The following CNTNAP3B variants were observed in gnomAD, a reference collection of about 807,000 sequenced individuals.
CNTNAP3B encodes the protein contactin-associated protein-like 3B.
In CNTNAP3B, 25 loss-of-function variants were observed where a neutral mutation model predicts 108.9. That is an observed-to-expected ratio of 0.23 (90% confidence interval 0.17 to 0.32). The LOEUF (loss-of-function observed/expected upper bound fraction) is 0.32, where lower values mean the gene tolerates loss of function less well. CNTNAP3B is among the 10% of genes least tolerant of loss of function. The probability of loss-of-function intolerance (pLI) is 1.00; values close to 1 mark genes in which losing one functional copy is unlikely to be tolerated. For missense variants in CNTNAP3B, 252 were observed against 1,210.4 expected, an observed-to-expected ratio of 0.21 and a Z score of 11.75; for synonymous variants, 103 against 473.4, an observed-to-expected ratio of 0.22 and a Z score of 10.16.
intron 18 of CNTNAP3B, among the ~76,000 whole-genome samples, chr9:41,918,155 T>A (rs1304524492): frequency 1.3e-5 from 2 of 150,652 alleles, no homozygotes; most frequent in African/African-American, 4.9e-5. Flanking sequence ...ATTTGAATGT[T>A]ACCTCCTCTT....
At chr9:42,119,890 A>T (rs1828419547) in intron 1 of CNTNAP3B, among the ~76,000 whole-genome samples, 1 of 140,490 alleles carries the variant, frequency 7.1e-6, no homozygotes. Flanking sequence ...AAACCTAGGC[A>T]ATACCATTCA....
intron 1 of CNTNAP3B, among the ~76,000 whole-genome samples, chr9:42,123,979 T>A (rs1462209363): frequency 7.8e-6 from 1 of 127,460 alleles, no homozygotes; most frequent in South Asian, 2.6e-4. Context: ...TCTGTTTTTA[T>A]ACTCTCAAAA....
intron 13 of CNTNAP3B, among the ~76,000 whole-genome samples, chr9:41,941,871 AG>A (rs1405346097): frequency 6.7e-6 from 1 of 149,972 alleles, no homozygotes; most frequent in Non-Finnish European, 1.5e-5. Context: ...TTTTATCTCC[AG>A]GAAGAGCCCC....
intron 1 of CNTNAP3B, among the ~76,000 whole-genome samples, chr9:42,120,504 C>T (rs1390993438): frequency 7.3e-6 from 1 of 137,854 alleles, no homozygotes; most frequent in Non-Finnish European, 1.5e-5. Context: ...AATCATGCTG[C>T]TATAAAGACA....
chr9:41,970,967 G>C (rs1463338329), intron 9 of CNTNAP3B, among the ~76,000 whole-genome samples: 1 of 151,360 alleles, frequency 6.6e-6, no homozygotes, highest in Admixed American at 6.6e-5. Context: ...AGTCCAGAAT[G>C]TTCTATGAAT....
At chr9:42,094,245 T>C (rs1827854544) in intron 2 of CNTNAP3B, among the ~76,000 whole-genome samples, 1 of 138,848 alleles carries the variant, frequency 7.2e-6, no homozygotes, top group South Asian at 2.3e-4. Context: ...CATGCAGGCT[T>C]AGTAAAAATC....
intron 1 of CNTNAP3B, among the ~76,000 whole-genome samples, chr9:42,113,321 C>A (rs920103418): frequency 7.3e-6 from 1 of 137,538 alleles, no homozygotes; most frequent in African/African-American, 2.9e-5. Context: ...TGATCTTGTT[C>A]TCTTTCCTTT....
At position 42,062,971 on chromosome 9, in the gene CNTNAP3B, G is replaced by A. The variant is rs1827200329; in HGVS notation, c.390+13898C>T. Among the ~76,000 whole-genome samples, 2 of 97,892 alleles carry A rather than the reference G, an allele frequency of 2.0e-5. 1 individual carries two copies. 64.2% of individuals were successfully genotyped at this position (97,892 alleles called of 152,430 possible). On this transcript the variant is annotated intron_variant, in intron 3 of 23. Coordinates refer to ENST00000377561, the MANE Select transcript of CNTNAP3B (RefSeq NM_001201380.3). ...TTATGTTTTTGATGCTTTTTATATT[G>A]TGTAACCCTTAATGAATTATTGCAG...
At position 42,094,091 on chromosome 9, in the gene CNTNAP3B, A is replaced by G. The variant is rs915685306; in HGVS notation, c.196+10538T>C. 6.5e-5 allele frequency among the ~76,000 whole-genome samples: 9 copies of G among 137,602 alleles called. 2 individuals carry two copies. The highest frequency in any genetic ancestry group is 1.1e-4 in the Non-Finnish European group (7 of 64,618). The allele number at this position is 137,602 out of a possible 152,430, so 90.3% of individuals were successfully genotyped here. A position where few individuals can be genotyped will look rare whatever the true frequency, so the allele number is the denominator to read the frequency against. ...CCTGGATGATTCCAAGCTTATCCCTAATCACTAAGGATAAGATAGCACCCT... is the reference window on the plus strand; with the variant it reads ...CCTGGATGATTCCAAGCTTATCCCTGATCACTAAGGATAAGATAGCACCCT... On this transcript the variant is annotated intron_variant, in intron 2 of 23. Coordinates refer to ENST00000377561, the MANE Select transcript of CNTNAP3B (RefSeq NM_001201380.3).
intron 10 of CNTNAP3B, among the ~76,000 whole-genome samples, chr9:41,968,981 A>G (rs1451430580): frequency 6.6e-6 from 1 of 152,260 alleles, no homozygotes; most frequent in African/African-American, 2.4e-5. Context: ...CATTTTTAGT[A>G]GAGACGGGGT....
rs1827457812 is a variant in CNTNAP3B, at chr9:42,075,054, C to A, written c.390+1815G>T. Among the ~76,000 whole-genome samples the A allele has an allele frequency of 2.1e-5, 3 of 145,500 alleles. No homozygotes were observed. The South Asian group carries it at 6.5e-4, about 31-fold the overall frequency. On this transcript the variant is annotated intron_variant, in intron 3 of 23. Transcript: ENST00000377561. Reference sequence around the variant, plus strand: ...TATGCCCATCTCCTAGCTGCTGGTGCCTCCGGTGTTCTGTGGCTTGTCCAT... The same window carrying A: ...TATGCCCATCTCCTAGCTGCTGGTGACTCCGGTGTTCTGTGGCTTGTCCAT...
intron 6 of CNTNAP3B, 45 bp from the exon 7 acceptor site, chr9:41,996,393 T>C: frequency 7.8e-7 from 1 of 1,279,176 alleles, no homozygotes; most frequent in South Asian, 1.3e-5. Context: ...AGTGATTTTC[T>C]GATGGTACGT....
chr9:42,053,628 C>A (rs1208473489), intron 3 of CNTNAP3B, among the ~76,000 whole-genome samples: 1 of 140,754 alleles, frequency 7.1e-6, no homozygotes, highest in Non-Finnish European at 1.5e-5. Context: ...GGACCTAATT[C>A]AGAGGTGATG....
rs535969005 is a variant in CNTNAP3B, at chr9:42,073,060, T to G, written c.390+3809A>C. 3.9e-4 allele frequency among the ~76,000 whole-genome samples: 55 copies of G among 139,862 alleles called. 7 individuals are homozygous for G. In the South Asian group the frequency reaches 4.8e-3, roughly 12 times the overall value. 91.8% of individuals were successfully genotyped at this position (139,862 alleles called of 152,430 possible). On this transcript the variant is annotated intron_variant, in intron 3 of 23. Coordinates refer to ENST00000377561, the MANE Select transcript of CNTNAP3B (RefSeq NM_001201380.3). ...GTCTGCTTAGGGTTCACCATTTTAA[T>G]AATTTTGCTTTTAGAATTAAAAATT...
intron 4 of CNTNAP3B, among the ~76,000 whole-genome samples, chr9:42,010,413 G>A (rs575816749): frequency 0.016 from 2,423 of 147,544 alleles, 1 homozygote; most frequent in South Asian, 0.038. Flanking sequence ...ACAGAATTTC[G>A]TGACTCACTG....
chr9:42,105,730 C>T (rs566438280), intron 1 of CNTNAP3B, among the ~76,000 whole-genome samples: 14 of 100,108 alleles, frequency 1.4e-4, no homozygotes, highest in African/African-American at 5.4e-4. Context: ...ATCCTGTAAT[C>T]ACTGTACTTT....
intron 9 of CNTNAP3B, among the ~76,000 whole-genome samples, chr9:41,982,063 C>CAAA (rs541712479): frequency 3.3e-3 from 141 of 42,390 alleles, no homozygotes; most frequent in African/African-American, 0.016. Flanking sequence ...TCTAAAGTCT[C>CAAA]AAAAAAAAAA....
chr9:42,075,268 T>C (rs1228240162), intron 3 of CNTNAP3B, among the ~76,000 whole-genome samples: 1 of 146,662 alleles, frequency 6.8e-6, no homozygotes, highest in Non-Finnish European at 1.5e-5. Context: ...TATATCCAAT[T>C]AAGGTCACAT....
At chr9:41,959,996 C>CTTTTTTTTTTTTTTTTTTTT (rs144746031) in intron 12 of CNTNAP3B, 1 of 137,252 alleles carries the variant, frequency 7.3e-6, no homozygotes. Flanking sequence ...TCTTTTTTTC[C>CTTTTTTTTTTTTTTTTTTTT]TTTTTTTTTT....
Sources: allele counts gnomAD v4.1 joint callset (sites outside exome capture counted in the v4.1 genomes callset), GRCh38; gene constraint gnomAD v4.1.1; transcripts MANE v1.5; gene names NCBI Gene and HGNC (gene_info 2026-07-23, HGNC 2026-07-21).